The following FNDC3A variants were observed in gnomAD, a reference collection of about 807,000 sequenced individuals.
FNDC3A encodes the protein fibronectin type-III domain-containing protein 3A.
A neutral mutation model predicts 148.9 loss-of-function variants in FNDC3A; 32 were observed. The observed-to-expected ratio is 0.21, with a 90% CI of 0.16 to 0.29. The LOEUF is 0.29. FNDC3A is among the 10% of genes least tolerant of loss of function. The pLI is 1.00. For missense variants in FNDC3A, 1,191 were observed against 1,452.8 expected (o/e 0.82, Z 2.93); for synonymous variants, 472 against 473.6 (o/e 1.00, Z 0.04).
At chr13:49,015,318 C>T (rs1456177856) in intron 2 of FNDC3A, among the ~76,000 whole-genome samples, 1 of 152,108 alleles carries the variant, frequency 6.6e-6, no homozygotes, top group Admixed American at 6.5e-5. Context: ...CCTTCACATC[C>T]CTTGTAAGTT....
intron 8 of FNDC3A, among the ~76,000 whole-genome samples, chr13:49,158,532 T>C (rs1378986457): frequency 6.6e-6 from 1 of 152,154 alleles, no homozygotes; most frequent in African/African-American, 2.4e-5. Flanking sequence ...TATTCGGCCA[T>C]CTTCGATTGC....
intron 8 of FNDC3A, among the ~76,000 whole-genome samples, chr13:49,166,458 G>A (rs1479407526): frequency 6.6e-6 from 1 of 152,112 alleles, no homozygotes; most frequent in Non-Finnish European, 1.5e-5. Flanking sequence ...AGTCTTTTGG[G>A]GGTTGTGCTC....
chr13:49,003,611 T>A lies in FNDC3A; in HGVS notation c.-39-2541T>A, dbSNP rs566798733. On this transcript the variant is annotated intron_variant, in intron 1 of 25. Coordinates refer to ENST00000492622, the MANE Select transcript of FNDC3A (RefSeq NM_001079673.2). ...TATATTTTATATCCTGTTTAAGAAA[T>A]CTTTCTCTGTCCCAAGGTTATGAAG... Among the ~76,000 whole-genome samples, 94 of 152,314 alleles carry A rather than the reference T, an allele frequency of 6.2e-4. No homozygotes were observed. In the South Asian group the frequency reaches 6.4e-3, roughly 10 times the overall value.
intron 1 of FNDC3A, among the ~76,000 whole-genome samples, chr13:48,980,276 A>C (rs901840103): frequency 2.6e-5 from 4 of 152,136 alleles, no homozygotes; most frequent in Admixed American, 6.5e-5. Flanking sequence ...CTGGTTTTAC[A>C]TTTTTAAAAA....
intron 19 of FNDC3A, among the ~76,000 whole-genome samples, chr13:49,196,083 A>AG (rs1886136415): frequency 1.7e-5 from 2 of 117,576 alleles, no homozygotes; most frequent in Admixed American, 2.1e-4. Flanking sequence ...CTTGTCTCAA[A>AG]AAAAAAAAAA....
chr13:49,195,631 A>G (rs1886110063), intron 19 of FNDC3A, among the ~76,000 whole-genome samples: 1 of 152,332 alleles, frequency 6.6e-6, no homozygotes, highest in South Asian at 2.1e-4. Context: ...GTCGTTATTT[A>G]TTAACATTTT....
chr13:49,045,624 C>G lies in FNDC3A; in HGVS notation c.100-29665C>G. 3.1e-6 allele frequency: 2 copies of G among 652,600 alleles called. 1 individual carries two copies. The highest frequency in any genetic ancestry group is 5.1e-6 in the Non-Finnish European group (2 of 394,382). The allele number at this position is 652,600 out of a possible 1,614,324, so 40.4% of individuals were successfully genotyped here. A position where few individuals can be genotyped will look rare whatever the true frequency, so the allele number is the denominator to read the frequency against. ...GAAGGCAACAAAGGTGAGTCTAGTT[C>G]TGTTAAGGATGCTCTTCTACAATAC... On this transcript the variant is annotated intron_variant, in intron 2 of 25. Transcript: ENST00000492622.
intron 1 of FNDC3A, among the ~76,000 whole-genome samples, chr13:49,002,086 A>G (rs1371458578): frequency 2.0e-5 from 3 of 152,134 alleles, no homozygotes; most frequent in African/African-American, 7.2e-5. Flanking sequence ...AGACCGGCTG[A>G]CACTTAAGGA....
intron 8 of FNDC3A, among the ~76,000 whole-genome samples, chr13:49,164,104 G>A (rs1292003006): frequency 6.6e-6 from 1 of 152,084 alleles, no homozygotes; most frequent in Non-Finnish European, 1.5e-5. Flanking sequence ...TGCTTGTCTG[G>A]AAAATACCTT....
intron 2 of FNDC3A, among the ~76,000 whole-genome samples, chr13:49,023,784 G>C (rs1402760558): frequency 2.0e-5 from 3 of 151,884 alleles, no homozygotes; most frequent in Non-Finnish European, 4.4e-5. Flanking sequence ...AAAAAACAAA[G>C]ATGTTTCCCA....
At chr13:48,987,301 C>T (rs1031805256) in intron 1 of FNDC3A, among the ~76,000 whole-genome samples, 6 of 152,172 alleles carry the variant, frequency 3.9e-5, no homozygotes, top group African/African-American at 1.4e-4. Context: ...TCTATGTGCA[C>T]ACTATCAGTC....
intron 8 of FNDC3A, among the ~76,000 whole-genome samples, chr13:49,155,376 ATTTT>A (rs1363127889): frequency 6.8e-6 from 1 of 146,414 alleles, no homozygotes; most frequent in African/African-American, 2.6e-5. Flanking sequence ...CCCCTTTATC[ATTTT>A]TTTTGTGTGT....
At chr13:49,030,899 G>C (rs1874063071) in intron 2 of FNDC3A, among the ~76,000 whole-genome samples, 1 of 152,180 alleles carries the variant, frequency 6.6e-6, no homozygotes, top group Admixed American at 6.5e-5. Context: ...TAGATCAGAA[G>C]ACTTAATATT....
intron 14 of FNDC3A, among the ~76,000 whole-genome samples, chr13:49,185,062 G>A (rs1336127261): frequency 6.6e-6 from 1 of 152,082 alleles, no homozygotes; most frequent in East Asian, 1.9e-4. Flanking sequence ...AGATGGTAGA[G>A]CTTTTTACTG....
At chr13:49,008,210 G>C (rs1034077865) in intron 2 of FNDC3A, among the ~76,000 whole-genome samples, 4 of 152,116 alleles carry the variant, frequency 2.6e-5, no homozygotes, top group Non-Finnish European at 5.9e-5. Context: ...ATCAGAAAAC[G>C]TGGAGATAGT....
chr13:49,129,448 T>A (rs548195220), intron 4 of FNDC3A, among the ~76,000 whole-genome samples: 4 of 152,196 alleles, frequency 2.6e-5, no homozygotes, highest in Non-Finnish European at 5.9e-5. Context: ...ATTTGTGAAT[T>A]GGAGAGTGAT....
chr13:49,147,520 G>GGAA, intron 8 of FNDC3A, among the ~76,000 whole-genome samples: 1 of 151,444 alleles, frequency 6.6e-6, no homozygotes, highest in East Asian at 1.9e-4. Flanking sequence ...ATAGGGAATC[G>GGAA]TGATTTTAAG....
chr13:49,007,382 A>G lies in FNDC3A; in HGVS notation c.99+1093A>G, dbSNP rs192868033. On this transcript the variant is annotated intron_variant, in intron 2 of 25. Transcript: ENST00000492622. ...ATTTCATTCCACAAACTTGCTTTTCATGGTCAAATTTAAGTCTGTTAAGAT... is the reference window on the plus strand; with the variant it reads ...ATTTCATTCCACAAACTTGCTTTTCGTGGTCAAATTTAAGTCTGTTAAGAT... Among the ~76,000 whole-genome samples the G allele has an allele frequency of 1.1e-4, 17 of 152,128 alleles. No homozygotes were observed. In the South Asian group the frequency reaches 2.5e-3, roughly 22 times the overall value.
At chr13:49,147,741 A>G (rs775796308) in intron 8 of FNDC3A, among the ~76,000 whole-genome samples, 2 of 152,146 alleles carry the variant, frequency 1.3e-5, no homozygotes, top group Non-Finnish European at 2.9e-5. Context: ...TATTTGGAAA[A>G]ATACCCAGTA....
Sources: allele counts gnomAD v4.1 joint callset (sites outside exome capture counted in the v4.1 genomes callset), GRCh38; gene constraint gnomAD v4.1.1; transcripts MANE v1.5; gene names NCBI Gene and HGNC (gene_info 2026-07-23, HGNC 2026-07-21).